Variants in TDRKH observed in about 807,000 individuals in gnomAD.
The protein encoded by TDRKH is tudor and KH domain-containing protein.
In TDRKH, 28 loss-of-function variants were observed where a neutral mutation model predicts 61.3. That is an observed-to-expected ratio of 0.46 (90% confidence interval 0.34 to 0.63). The LOEUF (loss-of-function observed/expected upper bound fraction) is 0.63. TDRKH is among the 20% of genes least tolerant of loss of function. The pLI, the probability that TDRKH is intolerant of heterozygous loss-of-function variation, is 0.01. For missense variants in TDRKH, 540 were observed against 683.4 expected, an observed-to-expected ratio of 0.79 and a Z score of 2.34; for synonymous variants, 219 against 244.4, an observed-to-expected ratio of 0.90 and a Z score of 0.97.
chr1:151,772,904 G>A (rs1481077937), downstream of TDRKH, among the ~76,000 whole-genome samples: 2 of 152,022 alleles, frequency 1.3e-5, no homozygotes, highest in African/African-American at 4.8e-5. Flanking sequence ...TTTTTTTTAT[G>A]AGACAAGGTT....
intron 1 of TDRKH, among the ~76,000 whole-genome samples, chr1:151,784,831 C>T (rs917833874): frequency 2.4e-4 from 36 of 152,056 alleles, no homozygotes; most frequent in Admixed American, 2.3e-3. Context: ...CAACTGCCTA[C>T]ATGGATCTCC....
downstream of TDRKH, chr1:151,767,641 T>G (rs976046380): frequency 1.7e-5 from 5 of 296,572 alleles, no homozygotes; most frequent in Non-Finnish European, 1.9e-5. Context: ...CATATCATAT[T>G]GCAATAACAA....
intron 9 of TDRKH, 104 bp from the exon 10 acceptor site, chr1:151,775,647 C>CT: frequency 2.0e-6 from 3 of 1,521,790 alleles, no homozygotes; most frequent in Non-Finnish European, 1.8e-6. Context: ...TGTGTCTTCT[C>CT]TGGTTGGGTT....
chr1:151,773,667 G>T lies in TDRKH; in HGVS notation c.*785C>A, dbSNP rs1048258909. 1 of 152,120 alleles carries T rather than the reference G, an allele frequency of 6.6e-6. No homozygotes were observed. The highest frequency in any genetic ancestry group is 1.5e-5 in the Non-Finnish European group (1 of 68,026). 9.4% of individuals were successfully genotyped at this position (152,120 alleles called of 1,614,324 possible). On this transcript the variant is annotated 3_prime_UTR_variant, in exon 13 of 13. Transcript: ENST00000368824. ...CTTTCTACTTATATTTTAACTAAAG[G>T]TTACAGAGAAATAGCTGGAGCAGTT...
chr1:151,772,338 C>T (rs576451484), downstream of TDRKH, among the ~76,000 whole-genome samples: 3 of 152,120 alleles, frequency 2.0e-5, no homozygotes, highest in African/African-American at 4.8e-5. Context: ...GCAATCTGCC[C>T]GCCTCGGCCT....
rs1280446743 is a variant in TDRKH, at chr1:151,779,367, C to T, written c.422-125G>A. 2.4e-6 allele frequency: 3 copies of T among 1,275,786 alleles called. No individual in the cohort carries two copies. In the Admixed American group the frequency reaches 9.3e-5, roughly 39 times the overall value. 79.0% of individuals were successfully genotyped at this position (1,275,786 alleles called of 1,614,324 possible). ...TCTCATTTCTAAAGTGAACAAAATA[C>T]AAGATGTTGAATGGAAATCAGGAGC... On this transcript the variant is annotated intron_variant, in intron 4 of 12. Coordinates refer to ENST00000368824, the MANE Select transcript of TDRKH (RefSeq NM_001083965.2).
intron 3 of TDRKH, among the ~76,000 whole-genome samples, chr1:151,781,051 C>G (rs1649709967): frequency 6.6e-6 from 1 of 151,626 alleles, no homozygotes; most frequent in Non-Finnish European, 1.5e-5. Context: ...CCCAGTGGCT[C>G]ACACCTGTAA....
Position 151,783,028 on chromosome 1 carries a change from G to C in TDRKH, c.-6C>G, listed in dbSNP as rs759107396. On this transcript the variant is annotated 5_prime_UTR_variant, in exon 2 of 13. Transcript: ENST00000368824. ...GAAGTCCGTTCAGTAGACATTTTCT[G>C]CTGTACTCTTTGACTTATATCCTGA... 3.5e-5 allele frequency: 56 copies of C among 1,611,558 alleles called. No individual in the cohort carries two copies. In the East Asian group the frequency reaches 1.3e-3, roughly 36 times the overall value.
At chr1:151,767,203 C>G (rs201902593), downstream of TDRKH, 1 of 1,614,038 alleles carries the variant, frequency 6.2e-7, no homozygotes, top group Non-Finnish European at 8.5e-7. Context: ...ACTCCAGCCC[C>G]GTTCCTGCCT....
downstream of TDRKH, chr1:151,771,654 C>T: frequency 2.8e-6 from 1 of 362,884 alleles, no homozygotes; most frequent in Non-Finnish European, 4.9e-6. Context: ...TTGGCTTTGG[C>T]CCAAGTTGGG....
chr1:151,779,230 T>C lies in TDRKH; in HGVS notation c.434A>G (p.Glu145Gly). Residue 145 changes from glutamate to glycine, a missense_variant, in exon 5 of 13, where the codon GAG becomes GGG. Coordinates refer to ENST00000368824, the MANE Select transcript of TDRKH (RefSeq NM_001083965.2). ...SVGRIIGRGG[E>G]TIRSICKASG... Reference sequence around the variant, plus strand: ...TGCCTTACAGATAGAACGAATTGTCTCGCCGCCTCTCCCTACATTAAACAA... The same window carrying C: ...TGCCTTACAGATAGAACGAATTGTCCCGCCGCCTCTCCCTACATTAAACAA... 1 of 1,614,106 alleles carries C rather than the reference T, an allele frequency of 6.2e-7. No homozygotes were observed. The highest frequency in any genetic ancestry group is 8.5e-7 in the Non-Finnish European group (1 of 1,180,014).
downstream of TDRKH, chr1:151,771,631 G>A (rs1311620720): frequency 2.8e-6 from 1 of 351,260 alleles, no homozygotes. Context: ...ACCAGAGAAG[G>A]CACATAGATC....
chr1:151,775,635 C>T, intron 9 of TDRKH, 92 bp from the exon 10 acceptor site: 3 of 1,530,870 alleles, frequency 2.0e-6, no homozygotes, highest in Non-Finnish European at 2.6e-6. Flanking sequence ...CAGGAAGGCA[C>T]CTGTGTCTTC....
chr1:151,774,599 C>T, intron 12 of TDRKH, 95 bp from the exon 13 acceptor site: 1 of 1,575,826 alleles, frequency 6.3e-7, no homozygotes, highest in Non-Finnish European at 8.7e-7. Context: ...CCTCTTGGTA[C>T]TCAATGACCT....
At chr1:151,769,810 C>T (rs1363778783), downstream of TDRKH, among the ~76,000 whole-genome samples, 7 of 152,224 alleles carry the variant, frequency 4.6e-5, no homozygotes, top group African/African-American at 7.2e-5. Flanking sequence ...AACGAGGCTC[C>T]GTCTGCAATC....
At position 151,774,194 on chromosome 1, in the gene TDRKH, C is replaced by T; in HGVS notation, c.*258G>A. 1 of 516,894 alleles carries T rather than the reference C, an allele frequency of 1.9e-6. No homozygotes were observed. The highest frequency in any genetic ancestry group is 3.3e-5 in the East Asian group (1 of 29,894). The allele number at this position is 516,894 out of a possible 1,614,324, so 32.0% of individuals were successfully genotyped here. On this transcript the variant is annotated 3_prime_UTR_variant, in exon 13 of 13. Coordinates refer to ENST00000368824, the MANE Select transcript of TDRKH (RefSeq NM_001083965.2). ...CTGCATGGATCCTTTATCATACACT[C>T]CTCTCCTCCATGCACCAATTCCTAT...
chr1:151,770,115 AGAGG>A (rs1648610771), downstream of TDRKH: 1 of 1,587,522 alleles, frequency 6.3e-7, no homozygotes, highest in Admixed American at 1.7e-5. Flanking sequence ...ACGGAGACGG[AGAGG>A]GAGAGGGAGA....
chr1:151,779,794 C>A, intron 4 of TDRKH, 157 bp downstream of exon 4: 1 of 685,694 alleles, frequency 1.5e-6, no homozygotes, highest in Non-Finnish European at 2.3e-6. Flanking sequence ...TTGGTTTTAC[C>A]ACCAGTTCTA....
intron 2 of TDRKH, among the ~76,000 whole-genome samples, chr1:151,782,313 G>A (rs1649897934): frequency 6.6e-6 from 1 of 151,930 alleles, no homozygotes; most frequent in Non-Finnish European, 1.5e-5. Context: ...CAGGAGTGGT[G>A]GCACACGCCT....
Sources: allele counts gnomAD v4.1 joint callset (sites outside exome capture counted in the v4.1 genomes callset), GRCh38; gene constraint gnomAD v4.1.1; transcripts MANE v1.5; gene names NCBI Gene and HGNC (gene_info 2026-07-23, HGNC 2026-07-21).